The following DHRS9 variants were observed in gnomAD, a reference collection of about 807,000 sequenced individuals.
DHRS9 encodes dehydrogenase/reductase SDR family member 9.
A neutral mutation model predicts 26.6 loss-of-function variants in DHRS9; 18 were observed. The observed-to-expected ratio is 0.68, with a 90% CI of 0.47 to 1.00. The LOEUF (loss-of-function observed/expected upper bound fraction) is 1.00, where lower values mean the gene tolerates loss of function less well. Among genes scored for constraint, DHRS9 ranks in the 50% least tolerant of loss-of-function variants. The pLI is 0.00. For missense variants in DHRS9, 425 were observed against 378.7 expected, an observed-to-expected ratio of 1.12 and a Z score of -1.01; for synonymous variants, 134 against 141.1, an observed-to-expected ratio of 0.95 and a Z score of 0.36.
At chr2:169,081,079 C>T in intron 1 of DHRS9, 1 of 956,972 alleles carries the variant, frequency 1.0e-6, no homozygotes, top group Non-Finnish European at 1.2e-6. Flanking sequence ...TCTGACAGAA[C>T]AATTAAAATT....
rs1171672616 is a variant in DHRS9 at position 169,083,570 on chromosome 2, T to A, written c.555T>A (p.Gly185=). 6.2e-7 allele frequency: 1 copy of A among 1,613,790 alleles called. No individual in the cohort carries two copies. Among genetic ancestry groups the A allele is most frequent in the Non-Finnish European group, 8.5e-7 (1 of 1,179,914 alleles). The part of the protein sequence containing the change: ...GYTPSKYAVE[G]FNDSLRRDMK... ...CTCCATCCAAATATGCAGTGGAAGG[T>A]TTCAATGACAGCTTAAGGTAAATCA... The change falls in exon 3 of 5, where the codon GGT becomes GGA. Residue 185 remains glycine, a synonymous_variant. Coordinates refer to ENST00000674881, the MANE Select transcript of DHRS9 (RefSeq NM_001376924.1).
At chr2:169,078,924 CGATTCTCCTGCCT>C (rs144547586) in intron 1 of DHRS9, among the ~76,000 whole-genome samples, 90,996 of 147,610 alleles carry the variant, frequency 0.62, 28,918 homozygotes, top group African/African-American at 0.81. Context: ...TCTGGGTTCA[CGATTCTCCTGCCT>C]GATTCTCCTG....
chr2:169,074,630 T>C (rs1683909896), intron 1 of DHRS9, among the ~76,000 whole-genome samples: 1 of 152,182 alleles, frequency 6.6e-6, no homozygotes, highest in Non-Finnish European at 1.5e-5. Flanking sequence ...GCTTTGTGTA[T>C]AGGTCATGTT....
At chr2:169,083,855 C>T (rs1202084804) in intron 3 of DHRS9, among the ~76,000 whole-genome samples, 1 of 152,032 alleles carries the variant, frequency 6.6e-6, no homozygotes, top group Non-Finnish European at 1.5e-5. Flanking sequence ...TCCAATTATA[C>T]TCTTTGAGTT....
chr2:169,086,990 A>T (rs1684372595), intron 3 of DHRS9, among the ~76,000 whole-genome samples: 1 of 152,090 alleles, frequency 6.6e-6, no homozygotes, highest in Non-Finnish European at 1.5e-5. Flanking sequence ...GCCTATGTTT[A>T]CTCAAAGCCC....
chr2:169,073,163 T>A (rs1558949161), intron 1 of DHRS9, among the ~76,000 whole-genome samples: 1 of 152,150 alleles, frequency 6.6e-6, no homozygotes, highest in Non-Finnish European at 1.5e-5. Context: ...TAATGCCAAG[T>A]ATCATACAAG....
chr2:169,079,980 AG>A (rs1558951555), intron 1 of DHRS9, among the ~76,000 whole-genome samples: 1 of 115,316 alleles, frequency 8.7e-6, no homozygotes, highest in Non-Finnish European at 1.8e-5. Context: ...AGAGAGAGAG[AG>A]AGAGAAAGAA....
At chr2:169,086,527 G>A (rs1219312085) in intron 3 of DHRS9, among the ~76,000 whole-genome samples, 1 of 151,344 alleles carries the variant, frequency 6.6e-6, no homozygotes, top group African/African-American at 2.4e-5. Context: ...GTTTTTCTGG[G>A]TGGTCTTGAT....
At position 169,083,552 on chromosome 2, in the gene DHRS9, C is replaced by A; in HGVS notation, c.537C>A (p.Ser179=). The A allele has an allele frequency of 6.2e-7, 1 of 1,613,986 alleles. No individual in the cohort carries two copies. The highest frequency in any genetic ancestry group is 8.5e-7 in the Non-Finnish European group (1 of 1,179,978). The part of the protein sequence containing the change: ...LAIVGGGYTP[S]KYAVEGFNDS... ...TCGTTGGAGGGGGCTATACTCCATC[C>A]AAATATGCAGTGGAAGGTTTCAATG... Residue 179 remains serine, a synonymous_variant, in exon 3 of 5, where the codon TCC becomes TCA. Transcript: ENST00000674881.
chr2:169,087,566 CT>C (rs1414848594), intron 3 of DHRS9, among the ~76,000 whole-genome samples: 2 of 152,104 alleles, frequency 1.3e-5, no homozygotes, highest in African/African-American at 4.8e-5. Context: ...GAGTCTCCCC[CT>C]ATAGCCATCA....
At chr2:169,092,312 G>A (rs151050187) in intron 4 of DHRS9, among the ~76,000 whole-genome samples, 5 of 152,130 alleles carry the variant, frequency 3.3e-5, no homozygotes, top group Non-Finnish European at 5.9e-5. Context: ...GTCGAGCCAC[G>A]GTCTTCACCT....
intron 3 of DHRS9, 21 bp downstream of exon 3, chr2:169,083,608 T>C: frequency 6.2e-7 from 1 of 1,609,858 alleles, no homozygotes; most frequent in African/African-American, 1.3e-5. Flanking sequence ...TTAATCAACT[T>C]ATTAGGAAAC....
intron 1 of DHRS9, among the ~76,000 whole-genome samples, chr2:169,078,840 T>TTTTTTTTTTTTTTTTTG (rs1553478929): frequency 9.5e-5 from 13 of 137,354 alleles, no homozygotes; most frequent in African/African-American, 3.5e-4. Flanking sequence ...TTTTTTTTTT[T>TTTTTTTTTTTTTTTTTG]TGTGACAGAG....
rs1204493268 is a variant in DHRS9 at position 169,095,532 on chromosome 2, G to A, written c.737-12G>A. 3 of 1,606,350 alleles carry A rather than the reference G, an allele frequency of 1.9e-6. No individual in the cohort carries two copies. The highest frequency in any genetic ancestry group is 2.6e-6 in the Non-Finnish European group (3 of 1,173,248). On this transcript the variant is annotated splice_polypyrimidine_tract_variant and intron_variant, in intron 4 of 4. Coordinates refer to ENST00000674881, the MANE Select transcript of DHRS9 (RefSeq NM_001376924.1). ...TCTACCAAAGAGTAAATGTACTTTT[G>A]TCTCTTTTTAGGTCTAGACAAACTG...
chr2:169,077,531 A>T (rs1683998573), intron 1 of DHRS9, among the ~76,000 whole-genome samples: 1 of 152,184 alleles, frequency 6.6e-6, no homozygotes, highest in Non-Finnish European at 1.5e-5. Flanking sequence ...ACAAAATCAC[A>T]GGCAATACAA....
intron 1 of DHRS9, chr2:169,070,120 T>A: frequency 1.0e-6 from 1 of 985,438 alleles, no homozygotes; most frequent in Non-Finnish European, 1.2e-6. Context: ...AGATTCTCTG[T>A]CAACTGCAGG....
rs141201656 is a variant in DHRS9 at position 169,070,255 on chromosome 2, C to T, written c.-60+538C>T. 229 of 985,294 alleles carry T rather than the reference C, an allele frequency of 2.3e-4. 2 individuals carry two copies. In the African/African-American group the frequency reaches 3.7e-3, roughly 16 times the overall value. 61.0% of individuals were successfully genotyped at this position (985,294 alleles called of 1,614,324 possible). ...AGGTCATAAAAAAGCAGGGAAATTC[C>T]CAACAATTCATATTTGATCCCTGGA... On this transcript the variant is annotated intron_variant, in intron 1 of 4. Coordinates refer to ENST00000674881, the MANE Select transcript of DHRS9 (RefSeq NM_001376924.1).
intron 1 of DHRS9, among the ~76,000 whole-genome samples, chr2:169,079,436 TATAATC>T (rs1211391326): frequency 6.6e-6 from 1 of 152,120 alleles, no homozygotes; most frequent in Non-Finnish European, 1.5e-5. Flanking sequence ...AATCAAGTGT[TATAATC>T]ATTACTATCT....
chr2:169,067,148 T>G (rs893044534), upstream of DHRS9: 1 of 1,535,510 alleles, frequency 6.5e-7, no homozygotes, highest in Non-Finnish European at 8.7e-7. Flanking sequence ...TACATCATTA[T>G]GCCAGAAGGA....
Sources: gnomAD v4.1 joint callset for allele counts (sites outside exome capture counted in the v4.1 genomes callset) on GRCh38, gnomAD v4.1.1 for gene constraint, MANE v1.5 for transcripts, NCBI Gene and HGNC (gene_info 2026-07-23, HGNC 2026-07-21) for gene names.